Variants in PCDHGC4 observed in about 807,000 individuals in gnomAD.
The protein encoded by PCDHGC4 is protocadherin gamma-C4.
Under a neutral mutation model 59.7 loss-of-function variants are expected in PCDHGC4, and 15 were observed. The ratio of observed to expected loss-of-function variants is 0.25; its 90% confidence interval spans 0.17 to 0.39. PCDHGC4 has a LOEUF of 0.39. Ranked by LOEUF, PCDHGC4 falls within the 10% of genes least tolerant of loss-of-function variation. The pLI is 1.00. For missense variants in PCDHGC4, 1,016 were observed against 1,189.5 expected, an observed-to-expected ratio of 0.85 and a Z score of 2.15; for synonymous variants, 434 against 481.4, an observed-to-expected ratio of 0.90 and a Z score of 1.29.
chr5:141,497,122 G>A (rs1407489807), intron 2 of PCDHGC4, among the ~76,000 whole-genome samples: 1 of 151,992 alleles, frequency 6.6e-6, no homozygotes, highest in East Asian at 1.9e-4. Flanking sequence ...GAAGGCAGAG[G>A]TTGCAGTGAG....
Position 141,511,995 on chromosome 5 carries a change from A to G in PCDHGC4, c.*822A>G, listed in dbSNP as rs1049905198. The G allele has an allele frequency of 1.3e-5, 2 of 153,074 alleles. No homozygotes were observed. The highest frequency in any genetic ancestry group is 4.8e-5 in the African/African-American group (2 of 41,464). The allele number at this position is 153,074 out of a possible 1,614,324, so 9.5% of individuals were successfully genotyped here. On this transcript the variant is annotated 3_prime_UTR_variant, in exon 4 of 4. Transcript: ENST00000306593. The stretch of plus-strand genomic sequence containing the variant: ...GGATGTGGATGGTGGGGGCATGGAC[A>G]AAGCTTGACACATCAAGTTATCAAG...
In PCDHGC4 at chr5:141,505,466, T is replaced by C. The variant is rs763151131; in HGVS notation, c.2575T>C (p.Leu859=). 1 of 1,614,200 alleles carries C rather than the reference T, an allele frequency of 6.2e-7. No individual in the cohort carries two copies. The highest frequency in any genetic ancestry group is 1.3e-5 in the African/African-American group (1 of 75,068). The part of the protein sequence containing the change: ...FDTEMLQAMI[L]ASASEAADGS... Reference sequence around the variant, plus strand: ...CACAGAGATGCTGCAAGCCATGATCTTGGCGTCCGCCAGTGGTAAGTGGTG... The same window carrying C: ...CACAGAGATGCTGCAAGCCATGATCCTGGCGTCCGCCAGTGGTAAGTGGTG... The change falls in exon 3 of 4, where the codon TTG becomes CTG. Residue 859 remains leucine, a synonymous_variant. Transcript: ENST00000306593.
At position 141,490,707 on chromosome 5, in the gene PCDHGC4, C is replaced by T; in HGVS notation, c.2442+3092C>T. ...CAGACACTGGGGATAATGCCCGCCT[C>T]ACCTACTCCATTGTAGGAAATCAGG... On this transcript the variant is annotated intron_variant, in intron 1 of 3. Transcript: ENST00000306593. The surrounding 1 kb of genome is among the most constrained non-coding windows in gnomAD (Gnocchi z 5.4). The T allele has an allele frequency of 3.1e-6, 5 of 1,614,194 alleles. No individual in the cohort carries two copies. Among genetic ancestry groups the T allele is most frequent in the Non-Finnish European group, 3.4e-6 (4 of 1,180,008 alleles).
chr5:141,491,311 A>G lies in PCDHGC4; in HGVS notation c.2443-3496A>G. On this transcript the variant is annotated intron_variant, in intron 1 of 3. Transcript: ENST00000306593. This position sits in a 1 kb window ranked among gnomAD's most constrained non-coding sequence, Gnocchi z 6.9. The stretch of plus-strand genomic sequence containing the variant: ...ACACCCTCCTGAGCGTTCAGACCTT[A>G]CCCTTTACCTCATTGTGGCTCTAGC... 1 of 1,613,932 alleles carries G rather than the reference A, an allele frequency of 6.2e-7. No homozygotes were observed. Among genetic ancestry groups the G allele is most frequent in the Non-Finnish European group, 8.5e-7 (1 of 1,179,940 alleles).
rs1027897777 is a variant in PCDHGC4, at chr5:141,510,812, C to T, written c.2591-135C>T. 151 of 1,531,674 alleles carry T rather than the reference C, an allele frequency of 9.9e-5. 1 individual carries two copies. The highest frequency in any genetic ancestry group is 2.5e-5 in the South Asian group (2 of 80,152). 94.9% of individuals were successfully genotyped at this position (1,531,674 alleles called of 1,614,324 possible). A position where few individuals can be genotyped will look rare whatever the true frequency, so the allele number is the denominator to read the frequency against. On this transcript the variant is annotated intron_variant, in intron 3 of 3. Coordinates refer to ENST00000306593, the MANE Select transcript of PCDHGC4 (RefSeq NM_018928.3). ...TGTGAAGAGAGACTACCTTGGTGAC[C>T]CCTATATTCCCAGTGCTCAGCGTGG...
intron 1 of PCDHGC4, among the ~76,000 whole-genome samples, chr5:141,488,118 A>G (rs1054356891): frequency 2.7e-4 from 41 of 152,190 alleles, no homozygotes; most frequent in Non-Finnish European, 2.9e-5. Context: ...AAACATAGAG[A>G]CAGCAGAAAG....
chr5:141,494,528 G>A lies in PCDHGC4; in HGVS notation c.2443-279G>A, dbSNP rs189993899. On this transcript the variant is annotated intron_variant, in intron 1 of 3. Coordinates refer to ENST00000306593, the MANE Select transcript of PCDHGC4 (RefSeq NM_018928.3). ...ATTTTGGCTCAGGAGTTCTGACTCTGGGGGCAGGGAGGAAGGGGCCATTTC... is the reference window on the plus strand; with the variant it reads ...ATTTTGGCTCAGGAGTTCTGACTCTAGGGGCAGGGAGGAAGGGGCCATTTC... 3.0e-4 allele frequency among the ~76,000 whole-genome samples: 45 copies of A among 152,274 alleles called. 1 individual carries two copies. Among genetic ancestry groups the A allele is most frequent in the African/African-American group, 1.0e-3 (42 of 41,542 alleles).
chr5:141,509,308 C>G (rs943174290), intron 3 of PCDHGC4, among the ~76,000 whole-genome samples: 6 of 152,152 alleles, frequency 3.9e-5, no homozygotes, highest in African/African-American at 1.4e-4. Flanking sequence ...CAGAGGGAGG[C>G]TGGGAGAGAA....
chr5:141,507,754 C>T (rs1488474557), intron 3 of PCDHGC4, among the ~76,000 whole-genome samples: 7 of 152,242 alleles, frequency 4.6e-5, no homozygotes, highest in Admixed American at 2.0e-4. Flanking sequence ...GTCAAGGCCT[C>T]CCACCTTTGG....
intron 3 of PCDHGC4, among the ~76,000 whole-genome samples, chr5:141,506,621 G>A (rs143369587): frequency 1.3e-5 from 2 of 152,178 alleles, no homozygotes; most frequent in African/African-American, 4.8e-5. Flanking sequence ...GTGTTACCAG[G>A]GCCAAATGCA....
At chr5:141,507,429 G>C (rs1191174823) in intron 3 of PCDHGC4, 3 of 152,238 alleles carry the variant, frequency 2.0e-5, no homozygotes, top group African/African-American at 7.2e-5. Flanking sequence ...AGTGGGGCCA[G>C]GCCTACAGCT....
At chr5:141,497,956 C>T (rs2099780659) in intron 2 of PCDHGC4, among the ~76,000 whole-genome samples, 1 of 152,214 alleles carries the variant, frequency 6.6e-6, no homozygotes, top group African/African-American at 2.4e-5. Flanking sequence ...TTCTGTTGGC[C>T]AGGCAGTGTT....
chr5:141,496,992 C>T (rs1055856428), intron 2 of PCDHGC4, among the ~76,000 whole-genome samples: 2 of 151,918 alleles, frequency 1.3e-5, no homozygotes, highest in African/African-American at 2.4e-5. Context: ...TTGAGACCAG[C>T]CTGGCAGCCA....
intron 3 of PCDHGC4, among the ~76,000 whole-genome samples, chr5:141,509,808 G>A (rs905531504): frequency 3.9e-5 from 6 of 152,028 alleles, no homozygotes; most frequent in Non-Finnish European, 7.4e-5. Context: ...TCATAGAGCC[G>A]AGCTCTTCTC....
intron 2 of PCDHGC4, among the ~76,000 whole-genome samples, chr5:141,502,431 G>A (rs998074347): frequency 1.3e-5 from 2 of 151,948 alleles, no homozygotes; most frequent in African/African-American, 4.8e-5. Context: ...TTCTCTGATG[G>A]TTAGATTCAG....
At chr5:141,510,873 T>A in intron 3 of PCDHGC4, 74 bp from the exon 4 acceptor site, 1 of 1,609,964 alleles carries the variant, frequency 6.2e-7, no homozygotes, top group Non-Finnish European at 8.5e-7. Flanking sequence ...ATTCATTAAC[T>A]GCTGGGGATA....
chr5:141,509,144 G>A (rs969990007), intron 3 of PCDHGC4, among the ~76,000 whole-genome samples: 1 of 152,114 alleles, frequency 6.6e-6, no homozygotes, highest in African/African-American at 2.4e-5. Context: ...GGCGCATCCC[G>A]GCTCTCCCCT....
intron 2 of PCDHGC4, among the ~76,000 whole-genome samples, chr5:141,502,358 TA>T (rs1283802909): frequency 6.6e-6 from 1 of 152,134 alleles, no homozygotes; most frequent in African/African-American, 2.4e-5. Context: ...ATGACATGGA[TA>T]TTTTTAAAGA....
At chr5:141,494,455 G>A (rs906714175) in intron 1 of PCDHGC4, among the ~76,000 whole-genome samples, 2 of 152,156 alleles carry the variant, frequency 1.3e-5, no homozygotes, top group African/African-American at 4.8e-5. Flanking sequence ...AGGGGGCTTT[G>A]TCTGCACCTC....
Sources: allele counts gnomAD v4.1 joint callset (sites outside exome capture counted in the v4.1 genomes callset), GRCh38; gene constraint gnomAD v4.1.1; non-coding constraint Gnocchi (gnomAD v3.1); transcripts MANE v1.5; gene names NCBI Gene and HGNC (gene_info 2026-07-23, HGNC 2026-07-21).